The following GALNT13 variants were observed in gnomAD, a reference collection of about 807,000 sequenced individuals.
GALNT13 encodes the protein UDP-GalNAc:polypeptide N-acetylgalactosaminyltransferase 13.
A neutral mutation model predicts 64.2 loss-of-function variants in GALNT13; 28 were observed. The observed-to-expected ratio is 0.44, with a 90% CI of 0.32 to 0.60. The LOEUF (loss-of-function observed/expected upper bound fraction) is 0.60. Among genes scored for constraint, GALNT13 ranks in the 20% least tolerant of loss-of-function variants. The pLI is 0.05. For missense variants in GALNT13, 577 were observed against 669.8 expected (o/e 0.86, Z 1.53); for synonymous variants, 214 against 224.6 (o/e 0.95, Z 0.42).
chr2:153,225,056 T>A, the GALNT13 span, among the ~76,000 whole-genome samples: 2 of 152,174 alleles, frequency 1.3e-5, no homozygotes, highest in Non-Finnish European at 2.9e-5. Flanking sequence ...TCAATATCTC[T>A]CATGAACATA....
At chr2:153,210,913 G>C in the GALNT13 span, among the ~76,000 whole-genome samples, 1 of 152,046 alleles carries the variant, frequency 6.6e-6, no homozygotes, top group Non-Finnish European at 1.5e-5. Flanking sequence ...TTAGTTACTG[G>C]TAACAATATA....
At chr2:153,689,024 G>GTGTA in the GALNT13 span, among the ~76,000 whole-genome samples, 2 of 142,108 alleles carry the variant, frequency 1.4e-5, no homozygotes, top group Admixed American at 1.4e-4. Context: ...GTGTGTGTGT[G>GTGTA]TGTGTGTGTG....
At chr2:154,077,353 T>C (rs1014923990) in intron 3 of GALNT13, among the ~76,000 whole-genome samples, 1 of 151,426 alleles carries the variant, frequency 6.6e-6, no homozygotes, top group Non-Finnish European at 1.5e-5. Context: ...TCTTTGAAAT[T>C]GGAAAACTTA....
At chr2:154,358,093 T>G (rs1256157478) in intron 9 of GALNT13, among the ~76,000 whole-genome samples, 1 of 152,036 alleles carries the variant, frequency 6.6e-6, no homozygotes, top group Non-Finnish European at 1.5e-5. Flanking sequence ...AACACTCAAC[T>G]TCTTGAAATT....
the GALNT13 span, among the ~76,000 whole-genome samples, chr2:153,293,791 G>C: frequency 0.014 from 2,048 of 145,752 alleles, 20 homozygotes; most frequent in Middle Eastern, 0.029. Flanking sequence ...GTGTGTGTGT[G>C]TCTGTGTGTG....
At chr2:153,982,438 T>C (rs939874548) in intron 3 of GALNT13, among the ~76,000 whole-genome samples, 2 of 152,066 alleles carry the variant, frequency 1.3e-5, no homozygotes, top group Non-Finnish European at 1.5e-5. Flanking sequence ...TACGAATCTG[T>C]GAGTAAGTTG....
chr2:153,282,419 A>C, the GALNT13 span, among the ~76,000 whole-genome samples: 1 of 151,956 alleles, frequency 6.6e-6, no homozygotes, highest in Admixed American at 6.6e-5. Flanking sequence ...AGCTAGTGTG[A>C]TCCTTTTTAA....
At chr2:153,348,903 G>T in the GALNT13 span, among the ~76,000 whole-genome samples, 1 of 152,168 alleles carries the variant, frequency 6.6e-6, no homozygotes, top group Non-Finnish European at 1.5e-5. Flanking sequence ...TTGCCTCTGA[G>T]GACAGGGATC....
intron 1 of GALNT13, among the ~76,000 whole-genome samples, chr2:153,893,197 C>A (rs1371521507): frequency 1.3e-5 from 2 of 152,054 alleles, no homozygotes; most frequent in African/African-American, 4.8e-5. Flanking sequence ...GGCGAGGCAC[C>A]TTTCAGGTTC....
intron 4 of GALNT13, among the ~76,000 whole-genome samples, chr2:154,166,297 C>T (rs1685018947): frequency 6.6e-6 from 1 of 152,078 alleles, no homozygotes; most frequent in Non-Finnish European, 1.5e-5. Flanking sequence ...CCTAGCTGCT[C>T]AGGAGGCTGA....
the GALNT13 span, among the ~76,000 whole-genome samples, chr2:153,420,190 A>G: frequency 6.6e-6 from 1 of 152,198 alleles, no homozygotes; most frequent in South Asian, 2.1e-4. Flanking sequence ...GGTATACAGG[A>G]CATTATGAAC....
At chr2:153,946,108 G>C (rs1223795088) in intron 3 of GALNT13, among the ~76,000 whole-genome samples, 2 of 152,114 alleles carry the variant, frequency 1.3e-5, no homozygotes, top group African/African-American at 4.8e-5. Flanking sequence ...TTCTTTGTCA[G>C]AATCAGTTGA....
the GALNT13 span, among the ~76,000 whole-genome samples, chr2:153,249,500 T>G: frequency 6.6e-6 from 1 of 152,198 alleles, no homozygotes; most frequent in Non-Finnish European, 1.5e-5. Flanking sequence ...TACCATTGAC[T>G]TTCTTCACAG....
intron 1 of GALNT13, among the ~76,000 whole-genome samples, chr2:153,877,286 ACT>A (rs1349091308): frequency 2.0e-5 from 3 of 152,050 alleles, no homozygotes; most frequent in Non-Finnish European, 4.4e-5. Context: ...ATTAATTGGG[ACT>A]CTGTTTCATA....
chr2:153,455,966 ACTAGCCCC>A, the GALNT13 span, among the ~76,000 whole-genome samples: 1 of 152,240 alleles, frequency 6.6e-6, no homozygotes, highest in Non-Finnish European at 1.5e-5. Context: ...TCAGAAAGGT[ACTAGCCCC>A]CTGAAGTCCG....
At chr2:153,731,176 CAT>C in the GALNT13 span, among the ~76,000 whole-genome samples, 3 of 149,352 alleles carry the variant, frequency 2.0e-5, no homozygotes, top group Admixed American at 6.6e-5. Context: ...TTATATAAAA[CAT>C]ATTGTCATAT....
At chr2:154,209,042 T>C (rs142011271) in intron 4 of GALNT13, among the ~76,000 whole-genome samples, 2 of 152,160 alleles carry the variant, frequency 1.3e-5, no homozygotes, top group East Asian at 3.9e-4. Context: ...TAAACTGCCC[T>C]AATTCCAGAT....
chr2:153,990,597 T>C (rs1410299887), intron 3 of GALNT13, among the ~76,000 whole-genome samples: 1 of 152,178 alleles, frequency 6.6e-6, no homozygotes, highest in Non-Finnish European at 1.5e-5. Flanking sequence ...ATTTTGAGAA[T>C]GTGTTTCAGA....
chr2:154,049,198 C>A (rs1484657392), intron 3 of GALNT13, among the ~76,000 whole-genome samples: 1 of 151,850 alleles, frequency 6.6e-6, no homozygotes, highest in African/African-American at 2.4e-5. Flanking sequence ...TACACTGATA[C>A]ACTGATCAAT....
Sources: gnomAD v4.1 joint callset for allele counts (sites outside exome capture counted in the v4.1 genomes callset) on GRCh38, gnomAD v4.1.1 for gene constraint, MANE v1.5 for transcripts, NCBI Gene and HGNC (gene_info 2026-07-23, HGNC 2026-07-21) for gene names.